The following ZNF169 variants were observed in gnomAD, a reference collection of about 807,000 sequenced individuals.
ZNF169 encodes zinc finger protein 169.
A neutral mutation model predicts 12.0 loss-of-function variants in ZNF169; 11 were observed. That is an observed-to-expected ratio of 0.92 (90% CI 0.58 to 1.52). ZNF169 has a LOEUF of 1.52. Among genes scored for constraint, ZNF169 ranks in the 40% most tolerant of loss-of-function variants. The pLI, the probability that ZNF169 is intolerant of heterozygous loss-of-function variation, is 0.00. For synonymous variants in ZNF169, 302 were observed against 286.5 expected, an observed-to-expected ratio of 1.05 and a Z score of -0.55; for missense variants, 722 against 744.0, an observed-to-expected ratio of 0.97 and a Z score of 0.34.
At chr9:94,296,750 G>T (rs1273435062) in intron 4 of ZNF169, 8 of 456,842 alleles carry the variant, frequency 1.8e-5, no homozygotes, top group Non-Finnish European at 3.5e-5. Context: ...CCACAGTTTT[G>T]ATTACTGTAG....
At chr9:94,278,170 A>G (rs1321318476) in intron 1 of ZNF169, among the ~76,000 whole-genome samples, 1 of 152,224 alleles carries the variant, frequency 6.6e-6, no homozygotes. Context: ...CTCTTTATGA[A>G]ATTGACTCGT....
chr9:94,299,887 A>G lies in ZNF169; in HGVS notation c.329A>G (p.Tyr110Cys), dbSNP rs1260036905. Residue 110 changes from tyrosine to cysteine, a missense_variant, in exon 5 of 5, where the codon TAT becomes TGT. Tyr to Cys is a radical substitution (Grantham distance 194). Coordinates refer to ENST00000395395, the MANE Select transcript of ZNF169 (RefSeq NM_194320.4). The part of the protein sequence containing the change: ...AFSSSQLLRQ[Y>C]ALSGHPTQIF... ...TCTAGCTCGCAGCTCCTCAGACAAT[A>G]TGCGCTAAGTGGCCATCCCACACAG... The G allele has an allele frequency of 1.9e-6, 3 of 1,614,002 alleles. No individual in the cohort carries two copies. The highest frequency in any genetic ancestry group is 1.1e-5 in the South Asian group (1 of 91,080).
At chr9:94,293,180 C>T (rs1387553299) in intron 4 of ZNF169, 111 bp downstream of exon 4, 7 of 945,272 alleles carry the variant, frequency 7.4e-6, no homozygotes, top group South Asian at 1.4e-5. Flanking sequence ...TTCAGGCCTC[C>T]TAGGCCACTG....
intron 1 of ZNF169, among the ~76,000 whole-genome samples, chr9:94,259,649 C>A (rs1196373090): frequency 6.6e-6 from 1 of 152,122 alleles, no homozygotes; most frequent in Non-Finnish European, 1.5e-5. Context: ...ACTTCCCGAG[C>A]TACTTCGCAG....
rs750546294 is a variant in ZNF169, at chr9:94,301,064, C to A, written c.1506C>A (p.Thr502=). 3 of 1,613,330 alleles carry A rather than the reference C, an allele frequency of 1.9e-6. No homozygotes were observed. Among genetic ancestry groups the A allele is most frequent in the East Asian group, 2.2e-5 (1 of 44,820 alleles). ...GRAFGFKSLL[T]RHQRTHSEEE... is the part of the protein sequence containing the mutation. ...CATTTGGCTTTAAGTCGCTCCTCAC[C>A]CGACACCAGAGGACACACTCAGAGG... The change falls in exon 5 of 5, where the codon ACC becomes ACA. Residue 502 remains threonine (T), a synonymous_variant. Transcript: ENST00000395395.
intron 1 of ZNF169, among the ~76,000 whole-genome samples, chr9:94,273,227 G>A (rs1830455114): frequency 6.6e-6 from 1 of 151,978 alleles, no homozygotes; most frequent in Non-Finnish European, 1.5e-5. Flanking sequence ...GTTTGATGTA[G>A]TCCCGTTTGT....
intron 2 of ZNF169, among the ~76,000 whole-genome samples, chr9:94,283,174 G>A (rs1016754905): frequency 1.3e-5 from 2 of 152,196 alleles, no homozygotes; most frequent in African/African-American, 4.8e-5. Context: ...ACTTTGGGAG[G>A]CTGAGGCGGG....
rs555774993 is a variant in ZNF169, at chr9:94,284,172, C to G, written c.33+5327C>G. Among the ~76,000 whole-genome samples, 5 of 151,908 alleles carry G rather than the reference C, an allele frequency of 3.3e-5. No individual in the cohort carries two copies. In the East Asian group the frequency reaches 9.7e-4, roughly 30 times the overall value. On this transcript the variant is annotated intron_variant, in intron 2 of 4. Coordinates refer to ENST00000395395, the MANE Select transcript of ZNF169 (RefSeq NM_194320.4). ...GGGCGCAGTGGCTCATACCTGTAACCCCAGCACTTTGGGAGGCCAAGGCAG... is the reference window on the plus strand; with the variant it reads ...GGGCGCAGTGGCTCATACCTGTAACGCCAGCACTTTGGGAGGCCAAGGCAG...
intron 2 of ZNF169, among the ~76,000 whole-genome samples, chr9:94,281,635 G>A (rs977454869): frequency 1.4e-4 from 21 of 152,320 alleles, no homozygotes; most frequent in African/African-American, 4.8e-4. Flanking sequence ...TGTGCCCAAC[G>A]TGGTCAGTGT....
chr9:94,283,100 A>G (rs1830668719), intron 2 of ZNF169, among the ~76,000 whole-genome samples: 1 of 152,188 alleles, frequency 6.6e-6, no homozygotes, highest in Non-Finnish European at 1.5e-5. Context: ...CAAAAACGAA[A>G]CATGTATCAG....
chr9:94,271,652 G>A lies in ZNF169; in HGVS notation c.-55-7106G>A, dbSNP rs141679705. On this transcript the variant is annotated intron_variant, in intron 1 of 4. Coordinates refer to ENST00000395395, the MANE Select transcript of ZNF169 (RefSeq NM_194320.4). Reference sequence around the variant, plus strand: ...GGAGAATCGCTTGAACCCAGGAGGCGGAGGTTGCAGTGAGCTGAGATTGTG... The same window carrying A: ...GGAGAATCGCTTGAACCCAGGAGGCAGAGGTTGCAGTGAGCTGAGATTGTG... 2.0e-3 allele frequency among the ~76,000 whole-genome samples: 304 copies of A among 150,948 alleles called. 2 individuals are homozygous for A. The highest frequency in any genetic ancestry group is 7.1e-3 in the African/African-American group (291 of 41,016).
chr9:94,276,012 G>T (rs1027907176), intron 1 of ZNF169, among the ~76,000 whole-genome samples: 1 of 151,952 alleles, frequency 6.6e-6, no homozygotes, highest in Non-Finnish European at 1.5e-5. Flanking sequence ...GACCTCAAGT[G>T]ATACACCCGC....
chr9:94,268,632 A>T (rs1830333269), intron 1 of ZNF169, among the ~76,000 whole-genome samples: 1 of 151,874 alleles, frequency 6.6e-6, no homozygotes, highest in African/African-American at 2.4e-5. Context: ...TACTAAAAAT[A>T]CAAAAATTAG....
chr9:94,278,906 G>T, intron 2 of ZNF169, 61 bp downstream of exon 2: 1 of 1,575,766 alleles, frequency 6.3e-7, no homozygotes, highest in Non-Finnish European at 8.7e-7. Flanking sequence ...TTCTTGTCCT[G>T]AAGGCTGCCT....
intron 1 of ZNF169, among the ~76,000 whole-genome samples, chr9:94,261,071 CGCCAG>C (rs1260763936): frequency 2.7e-5 from 4 of 150,038 alleles, no homozygotes; most frequent in Middle Eastern, 3.2e-3. Flanking sequence ...CTTGCTCTGT[CGCCAG>C]GCTGGAGTGC....
intron 1 of ZNF169, among the ~76,000 whole-genome samples, chr9:94,276,972 G>A (rs975630480): frequency 2.0e-5 from 3 of 152,092 alleles, no homozygotes; most frequent in South Asian, 2.1e-4. Flanking sequence ...ACCATGGCCC[G>A]TGACACAGCC....
At chr9:94,278,660 T>G in intron 1 of ZNF169, 98 bp from the exon 2 acceptor site, 1 of 619,280 alleles carries the variant, frequency 1.6e-6, no homozygotes, top group Non-Finnish European at 2.8e-6. Flanking sequence ...TCTTTGTTGC[T>G]TCCCTGTTCC....
chr9:94,261,836 C>A (rs1013995623), intron 1 of ZNF169, among the ~76,000 whole-genome samples: 3 of 152,176 alleles, frequency 2.0e-5, no homozygotes, highest in Non-Finnish European at 4.4e-5. Context: ...ATGGCAAAAA[C>A]CACAATTACT....
intron 1 of ZNF169, among the ~76,000 whole-genome samples, chr9:94,267,809 C>A (rs1386746496): frequency 4.0e-5 from 6 of 151,672 alleles, no homozygotes; most frequent in Non-Finnish European, 5.9e-5. Context: ...TTATCAGAAA[C>A]CTGCATTCAA....
Sources: gnomAD v4.1 joint callset for allele counts (sites outside exome capture counted in the v4.1 genomes callset) on GRCh38, gnomAD v4.1.1 for gene constraint, MANE v1.5 for transcripts, NCBI Gene and HGNC (gene_info 2026-07-23, HGNC 2026-07-21) for gene names.